The following C4orf50 variants were observed in gnomAD, a reference collection of about 807,000 sequenced individuals.
The protein encoded by C4orf50 is chromosome 4 open reading frame 50.
In C4orf50, 80 loss-of-function variants were observed where a neutral mutation model predicts 77.2. The observed-to-expected ratio is 1.04, with a 90% confidence interval of 0.87 to 1.25. The LOEUF (loss-of-function observed/expected upper bound fraction) is 1.25. Ranked by LOEUF, C4orf50 falls within the 50% of genes most tolerant of loss-of-function variation. The pLI, the probability that C4orf50 is intolerant of heterozygous loss-of-function variation, is 0.00. For missense variants in C4orf50, 1,257 were observed against 1,152.9 expected, an observed-to-expected ratio of 1.09 and a Z score of -1.31; for synonymous variants, 532 against 465.3, an observed-to-expected ratio of 1.14 and a Z score of -1.84.
intron 25 of C4orf50, among the ~76,000 whole-genome samples, chr4:5,998,881 T>A (rs1415373588): frequency 6.6e-6 from 1 of 152,222 alleles, no homozygotes; most frequent in African/African-American, 2.4e-5. Flanking sequence ...TTGCCAAATA[T>A]GAATGGTTCT....
chr4:5,933,302 C>T (rs1053940475), intron 7 of C4orf50, among the ~76,000 whole-genome samples: 1 of 152,246 alleles, frequency 6.6e-6, no homozygotes, highest in African/African-American at 2.4e-5. Context: ...CACTTAGAAA[C>T]TCTGGAAGGC....
At chr4:6,005,307 G>C (rs1328902725) in intron 25 of C4orf50, among the ~76,000 whole-genome samples, 1 of 152,212 alleles carries the variant, frequency 6.6e-6, no homozygotes, top group East Asian at 1.9e-4. Context: ...AAGTGTGACT[G>C]TGCAGGCCAG....
At chr4:5,918,508 C>A (rs1717127117) in intron 7 of C4orf50, among the ~76,000 whole-genome samples, 1 of 152,226 alleles carries the variant, frequency 6.6e-6, no homozygotes, top group Non-Finnish European at 1.5e-5. Flanking sequence ...TGGTCATGAA[C>A]TGGGCTCCTG....
intron 7 of C4orf50, among the ~76,000 whole-genome samples, chr4:5,920,077 T>C (rs1389095650): frequency 6.6e-6 from 1 of 152,234 alleles, no homozygotes; most frequent in Admixed American, 6.5e-5. Context: ...GCACACACTG[T>C]GTAGGTTATA....
At chr4:5,991,174 A>G (rs1192762932) in intron 27 of C4orf50, among the ~76,000 whole-genome samples, 2 of 152,050 alleles carry the variant, frequency 1.3e-5, no homozygotes, top group African/African-American at 4.8e-5. Context: ...CCCTCACACC[A>G]TATTATATAT....
rs16837983 is a variant in C4orf50, at chr4:5,978,325, A to C, written c.3864+1849T>G. On this transcript the variant is annotated intron_variant, in intron 29 of 33. Transcript: ENST00000531445. ...TTCATCATAAAACTGAGAACTATAA[A>C]AAAAAGAATCATAGGGAAATTCTCC... Among the ~76,000 whole-genome samples, 100 of 152,354 alleles carry C rather than the reference A, an allele frequency of 6.6e-4. 1 individual carries two copies. In the East Asian group the frequency reaches 0.014, roughly 21 times the overall value.
At chr4:5,991,421 G>C (rs1721289693) in intron 27 of C4orf50, among the ~76,000 whole-genome samples, 2 of 152,210 alleles carry the variant, frequency 1.3e-5, no homozygotes, top group African/African-American at 4.8e-5. Context: ...CACTCCCTGA[G>C]GACAGGACTT....
chr4:6,004,080 G>GGTGATGGTGA (rs1722039321), intron 25 of C4orf50, among the ~76,000 whole-genome samples: 17 of 30,190 alleles, frequency 5.6e-4, no homozygotes, highest in Non-Finnish European at 9.0e-4. Flanking sequence ...TGGTGATGAT[G>GGTGATGGTGA]TGATAGTGAT....
chr4:5,965,069 G>A lies in C4orf50; in HGVS notation c.4230C>T (p.Pro1410=), dbSNP rs369927035. 210 of 1,613,364 alleles carry A rather than the reference G, an allele frequency of 1.3e-4. No homozygotes were observed. The Admixed American group carries it at 2.6e-3, about 20-fold the overall frequency. ...CTGTCTGTGCTGGCCACTCCGGCTC[G>A]GGAATAGGCCAGGACTCTGAAGACA... is the stretch of plus-strand genomic sequence containing the variant. Residue 1410 remains proline (P), a synonymous_variant, in exon 33 of 34, where the codon CCC becomes CCT. Transcript: ENST00000531445.
rs112969734 is a variant in C4orf50, at chr4:5,978,621, C to T, written c.3864+1553G>A. ...TTGTGTTGGTTGAAGACACGGTGAA[C>T]GAGACACACTCATTTATTGTTGGTG... On this transcript the variant is annotated intron_variant, in intron 29 of 33. Coordinates refer to ENST00000531445, the Ensembl canonical transcript of C4orf50. Among the ~76,000 whole-genome samples the T allele has an allele frequency of 9.8e-4, 149 of 152,278 alleles. 1 individual carries two copies. The East Asian group carries it at 0.017, about 17-fold the overall frequency.
chr4:5,980,547 A>G (rs958908927), intron 28 of C4orf50, among the ~76,000 whole-genome samples: 3 of 152,066 alleles, frequency 2.0e-5, no homozygotes, highest in African/African-American at 7.2e-5. Flanking sequence ...TTTATTATCC[A>G]TAGATTTTCT....
rs1716280601 is a variant in C4orf50 at position 5,900,109 on chromosome 4, T to C, written c.*2475-1921A>G. The C allele has an allele frequency of 6.6e-6, 1 of 152,120 alleles. No individual in the cohort carries two copies. The highest frequency in any genetic ancestry group is 1.5e-5 in the Non-Finnish European group (1 of 68,022). The allele number at this position is 152,120 out of a possible 1,614,324, so 9.4% of individuals were successfully genotyped here. On this transcript the variant is annotated intron_variant, in intron 7 of 7. Transcript: ENST00000324058. The surrounding 1 kb of genome is among the most constrained non-coding windows in gnomAD (Gnocchi z 4.3). ...GGCTGAGTTCTCAGAAGGTTTCACG[T>C]TTCAGACCTAGAATTTCACCCTGGA...
chr4:5,988,924 T>A (rs1362748667), exon 28 of C4orf50: 1 of 1,536,086 alleles, frequency 6.5e-7, no homozygotes, highest in Non-Finnish European at 8.7e-7. Flanking sequence ...GTCTTTGGAT[T>A]TCCTGACACT....
rs545621608 is a variant in C4orf50 at position 5,905,088 on chromosome 4, C to T, written c.*2475-6900G>A. 1 of 152,328 alleles carries T rather than the reference C, an allele frequency of 6.6e-6. No individual in the cohort carries two copies. The highest frequency in any genetic ancestry group is 1.5e-5 in the Non-Finnish European group (1 of 68,034). 9.4% of individuals were successfully genotyped at this position (152,328 alleles called of 1,614,324 possible). A position where few individuals can be genotyped will look rare whatever the true frequency, so the allele number is the denominator to read the frequency against. ...GCAAAACTGTCAAGTAGGCATATGACCCTCAAACAGACGAAGAAGAGGATG... is the reference window on the plus strand; with the variant it reads ...GCAAAACTGTCAAGTAGGCATATGATCCTCAAACAGACGAAGAAGAGGATG... On this transcript the variant is annotated intron_variant, in intron 7 of 7. Transcript: ENST00000324058. The surrounding 1 kb of genome is among the most constrained non-coding windows in gnomAD (Gnocchi z 5.4).
At chr4:5,966,863 T>A (rs541882244) in intron 32 of C4orf50, among the ~76,000 whole-genome samples, 1 of 152,156 alleles carries the variant, frequency 6.6e-6, no homozygotes, top group Non-Finnish European at 1.5e-5. Context: ...TTGGCCAGGA[T>A]GGTCTCCATC....
At chr4:5,918,795 C>T (rs1717141707) in intron 7 of C4orf50, among the ~76,000 whole-genome samples, 1 of 152,242 alleles carries the variant, frequency 6.6e-6, no homozygotes, top group Non-Finnish European at 1.5e-5. Context: ...GGTGTTGCTT[C>T]TCAGCCTGGA....
Position 5,980,358 on chromosome 4 carries a change from G to A in C4orf50, c.3700-20C>T, listed in dbSNP as rs1371762100. ...CCGGAGCTGCGGAAATCACAGATTT[G>A]AATGAAATGTTTAGGTTATCCTTCA... On this transcript the variant is annotated intron_variant, in intron 28 of 33. Transcript: ENST00000531445. 1.9e-6 allele frequency: 3 copies of A among 1,606,388 alleles called. No homozygotes were observed. The highest frequency in any genetic ancestry group is 1.3e-5 in the African/African-American group (1 of 74,602).
At chr4:5,922,648 C>T (rs1402825115) in intron 7 of C4orf50, among the ~76,000 whole-genome samples, 5 of 152,214 alleles carry the variant, frequency 3.3e-5, no homozygotes, top group Admixed American at 1.3e-4. Context: ...AGATGGTAAG[C>T]ACCATGAGGG....
chr4:6,004,042 G>C (rs1389905312), intron 25 of C4orf50, among the ~76,000 whole-genome samples: 1 of 21,672 alleles, frequency 4.6e-5, no homozygotes, highest in Admixed American at 5.0e-4. Context: ...AGTGATGATG[G>C]TGATGGTGAT....
Sources: gnomAD v4.1 joint callset for allele counts (sites outside exome capture counted in the v4.1 genomes callset) on GRCh38, gnomAD v4.1.1 for gene constraint, Gnocchi (gnomAD v3.1) non-coding constraint, MANE v1.5 for transcripts, NCBI Gene and HGNC (gene_info 2026-07-23, HGNC 2026-07-21) for gene names.